Variants in RAB10 observed in about 807,000 individuals in gnomAD.
RAB10 encodes RAB10, member RAS oncogene family.
In RAB10, 5 loss-of-function variants were observed where a neutral mutation model predicts 25.7. The observed-to-expected ratio is 0.19, with a 90% CI of 0.10 to 0.41. The LOEUF (loss-of-function observed/expected upper bound fraction) is 0.41. RAB10 is among the 10% of genes least tolerant of loss of function. RAB10 has a pLI of 1.00. For synonymous variants in RAB10, 89 were observed against 86.4 expected, an observed-to-expected ratio of 1.03 and a Z score of -0.16; for missense variants, 103 against 245.8, an observed-to-expected ratio of 0.42 and a Z score of 3.89.
chr2:26,058,321 A>T (rs921634821), intron 1 of RAB10, among the ~76,000 whole-genome samples: 1 of 152,160 alleles, frequency 6.6e-6, no homozygotes, highest in African/African-American at 2.4e-5. Flanking sequence ...AGTTGAATTC[A>T]TATATGTCAC....
chr2:26,039,935 G>A lies in RAB10; in HGVS notation c.127+5200G>A, dbSNP rs149026972. On this transcript the variant is annotated intron_variant, in intron 1 of 5. Coordinates refer to ENST00000264710, the MANE Select transcript of RAB10 (RefSeq NM_016131.5). ...GCTTACAACTCATCTCAGATTAGGC[G>A]TATTTCTACATGGATGTATATTATG... Among the ~76,000 whole-genome samples, 1,119 of 152,050 alleles carry A rather than the reference G, an allele frequency of 7.4e-3. 10 individuals are homozygous for A. The highest frequency in any genetic ancestry group is 0.012 in the Non-Finnish European group (849 of 67,994).
intron 2 of RAB10, among the ~76,000 whole-genome samples, chr2:26,109,304 A>G (rs1667526412): frequency 6.6e-6 from 1 of 152,368 alleles, no homozygotes; most frequent in South Asian, 2.1e-4. Flanking sequence ...ATGAGAGGGC[A>G]TAGTTACAGG....
chr2:26,133,306 G>A (rs916099108), intron 5 of RAB10, among the ~76,000 whole-genome samples: 9 of 152,156 alleles, frequency 5.9e-5, no homozygotes, highest in Middle Eastern at 3.2e-3. Context: ...CTATACAATA[G>A]CATCGATAAA....
chr2:26,129,522 T>G (rs537820160), intron 5 of RAB10, among the ~76,000 whole-genome samples: 2 of 152,354 alleles, frequency 1.3e-5, no homozygotes, highest in African/African-American at 4.8e-5. Flanking sequence ...ATGTCACATA[T>G]AAATCTAGTG....
intron 1 of RAB10, among the ~76,000 whole-genome samples, chr2:26,038,178 A>G (rs926580576): frequency 1.4e-5 from 2 of 145,984 alleles, no homozygotes; most frequent in South Asian, 2.2e-4. Flanking sequence ...AAGCCACCAC[A>G]CTGCCCTCCT....
chr2:26,064,701 A>G (rs915154909), intron 1 of RAB10, among the ~76,000 whole-genome samples: 1 of 152,176 alleles, frequency 6.6e-6, no homozygotes, highest in African/African-American at 2.4e-5. Flanking sequence ...AGATGAACAA[A>G]TATTTCAACA....
At position 26,134,965 on chromosome 2, in the gene RAB10, A is replaced by G; in HGVS notation, c.547A>G (p.Asn183Asp). The change falls in exon 6 of 6, where the codon AAT becomes GAT. Residue 183 changes from asparagine to aspartate, a missense_variant. By Grantham distance (23) the Asn-to-Asp change is conservative. Coordinates refer to ENST00000264710, the MANE Select transcript of RAB10 (RefSeq NM_016131.5). ...KTPVKEPNSE[N>D]VDISSGGGVT... Reference sequence around the variant, plus strand: ...CCCTGTAAAAGAGCCCAACAGTGAAAATGTAGATATCAGCAGTGGAGGAGG... The same window carrying G: ...CCCTGTAAAAGAGCCCAACAGTGAAGATGTAGATATCAGCAGTGGAGGAGG... 6.2e-7 allele frequency: 1 copy of G among 1,613,852 alleles called. No homozygotes were observed. Among genetic ancestry groups the G allele is most frequent in the Non-Finnish European group, 8.5e-7 (1 of 1,179,802 alleles).
At chr2:26,097,319 G>C (rs909777520) in intron 1 of RAB10, among the ~76,000 whole-genome samples, 1 of 152,094 alleles carries the variant, frequency 6.6e-6, no homozygotes, top group Non-Finnish European at 1.5e-5. Flanking sequence ...TGTCGCCCAG[G>C]CTGGAGTGCA....
chr2:26,082,709 A>G (rs1666894592), intron 1 of RAB10, among the ~76,000 whole-genome samples: 1 of 152,088 alleles, frequency 6.6e-6, no homozygotes, highest in Non-Finnish European at 1.5e-5. Flanking sequence ...TGAATCTTAA[A>G]CTCTTCCAAT....
intron 1 of RAB10, among the ~76,000 whole-genome samples, chr2:26,088,098 C>G (rs1248871408): frequency 1.3e-5 from 2 of 152,088 alleles, no homozygotes; most frequent in Admixed American, 6.5e-5. Flanking sequence ...GTTAAAAACC[C>G]CAGAAATGGA....
At chr2:26,062,038 G>C (rs889314536) in intron 1 of RAB10, among the ~76,000 whole-genome samples, 1 of 152,082 alleles carries the variant, frequency 6.6e-6, no homozygotes, top group Non-Finnish European at 1.5e-5. Flanking sequence ...TGGAGTTGGG[G>C]TTTCTGTATG....
chr2:26,127,978 A>G (rs773097477), intron 5 of RAB10, 27 bp downstream of exon 5: 5 of 1,490,074 alleles, frequency 3.4e-6, no homozygotes, highest in South Asian at 2.3e-5. Context: ...ATATCCTGCC[A>G]GGTACCTGAG....
At chr2:26,079,419 C>T (rs188325157) in intron 1 of RAB10, among the ~76,000 whole-genome samples, 101 of 151,638 alleles carry the variant, frequency 6.7e-4, no homozygotes, top group Admixed American at 9.9e-4. Flanking sequence ...CTGGGTTTCT[C>T]GTTGTTGAAG....
chr2:26,108,358 G>A (rs1667507373), intron 2 of RAB10, among the ~76,000 whole-genome samples: 1 of 152,132 alleles, frequency 6.6e-6, no homozygotes, highest in Non-Finnish European at 1.5e-5. Context: ...AAACTTGAGA[G>A]GACTTCAAGA....
intron 1 of RAB10, among the ~76,000 whole-genome samples, chr2:26,038,765 A>C (rs1364243598): frequency 6.6e-6 from 1 of 151,482 alleles, no homozygotes; most frequent in Non-Finnish European, 1.5e-5. Flanking sequence ...TACTAAAAAT[A>C]CAAAAAATTA....
At chr2:26,035,464 A>G (rs184144487) in intron 1 of RAB10, among the ~76,000 whole-genome samples, 2 of 152,334 alleles carry the variant, frequency 1.3e-5, no homozygotes, top group Non-Finnish European at 2.9e-5. Context: ...TCATAGCCCT[A>G]TGGACTTATA....
chr2:26,104,538 TC>T (rs1667428882), intron 2 of RAB10, among the ~76,000 whole-genome samples: 1 of 152,208 alleles, frequency 6.6e-6, no homozygotes, highest in Admixed American at 6.5e-5. Context: ...GGTTGTCTTT[TC>T]ACCTTGTATT....
At chr2:26,037,733 C>T (rs1193004889) in intron 1 of RAB10, among the ~76,000 whole-genome samples, 3 of 151,944 alleles carry the variant, frequency 2.0e-5, no homozygotes, top group Non-Finnish European at 4.4e-5. Context: ...TCACATGGTG[C>T]CAGGACCAGG....
At chr2:26,057,649 G>T (rs1046546356) in intron 1 of RAB10, among the ~76,000 whole-genome samples, 37 of 19,800 alleles carry the variant, frequency 1.9e-3, no homozygotes, top group African/African-American at 7.0e-3. Flanking sequence ...CAGAGACGGG[G>T]TCTCACTCTT....
Sources: allele counts gnomAD v4.1 joint callset (sites outside exome capture counted in the v4.1 genomes callset), GRCh38; gene constraint gnomAD v4.1.1; transcripts MANE v1.5; gene names NCBI Gene and HGNC (gene_info 2026-07-23, HGNC 2026-07-21).